Variants in PTPRN2 observed in about 807,000 individuals in gnomAD.
PTPRN2 encodes protein tyrosine phosphatase receptor type N2.
PTPRN2 carries 74 observed loss-of-function variants against 118.8 expected under a neutral mutation model. The observed-to-expected ratio is 0.62, with a 90% CI of 0.52 to 0.76. The LOEUF is 0.76. Among genes scored for constraint, PTPRN2 ranks in the 30% least tolerant of loss-of-function variants. The pLI is 0.00. For synonymous variants in PTPRN2, 641 were observed against 608.0 expected (o/e 1.05, Z -0.80); for missense variants, 1,481 against 1,394.4 (o/e 1.06, Z -0.99).
chr7:158,210,118 T>C (rs981409150), intron 3 of PTPRN2, among the ~76,000 whole-genome samples: 1 of 147,040 alleles, frequency 6.8e-6, no homozygotes, highest in Admixed American at 6.7e-5. Context: ...CCTCAAACAA[T>C]CTAATGATGC....
At chr7:158,142,875 C>T (rs1819519399) in intron 6 of PTPRN2, among the ~76,000 whole-genome samples, 1 of 152,208 alleles carries the variant, frequency 6.6e-6, no homozygotes. Context: ...CGCTGACAGG[C>T]TCACGTTGTT....
chr7:157,682,654 A>G, intron 13 of PTPRN2, 71 bp downstream of exon 13: 1 of 1,450,160 alleles, frequency 6.9e-7, no homozygotes, highest in Non-Finnish European at 9.6e-7. Context: ...GAGGGGCCAG[A>G]GAGGAACGCC....
At chr7:158,324,219 C>T (rs10434944) in intron 2 of PTPRN2, among the ~76,000 whole-genome samples, 85,461 of 152,050 alleles carry the variant, frequency 0.56, 24,153 homozygotes, top group South Asian at 0.58. Context: ...ACCCTCTCCC[C>T]GGTGACACCG....
chr7:158,393,734 T>C lies in PTPRN2; in HGVS notation c.164-76802A>G, dbSNP rs909906785. ...TCATTATAATCTCATCGCCTAACAC[T>C]GGTGAAGAAGGAATCATGACGTGAT... On this transcript the variant is annotated intron_variant, in intron 2 of 22. Coordinates refer to ENST00000389418, the MANE Select transcript of PTPRN2 (RefSeq NM_002847.5). Among the ~76,000 whole-genome samples the C allele has an allele frequency of 5.3e-5, 8 of 152,132 alleles. 1 individual carries two copies. In the South Asian group the frequency reaches 6.2e-4, roughly 12 times the overall value.
intron 2 of PTPRN2, 55 bp downstream of exon 2, chr7:158,489,680 A>G: frequency 3.3e-6 from 5 of 1,518,560 alleles, no homozygotes; most frequent in Non-Finnish European, 3.5e-6. Flanking sequence ...GGCGCTGCGC[A>G]CGGCGGGCAG....
chr7:158,443,918 T>A (rs1054497850), intron 2 of PTPRN2, among the ~76,000 whole-genome samples: 2 of 152,026 alleles, frequency 1.3e-5, no homozygotes, highest in African/African-American at 4.8e-5. Flanking sequence ...CTACCCCGAG[T>A]CCTGGGTGTC....
In PTPRN2 at chr7:158,523,527, CAGAGTCTGCCCTGGAAT is replaced by C. The variant is rs1325899603; in HGVS notation, c.113-33759_113-33743del. On this transcript the variant is annotated intron_variant, in intron 1 of 22. Transcript: ENST00000389418. ...TGGAGTGGAGTCGTCTGCCCTGGAG[CAGAGTCTGCCCTGGAAT>C]GGAGTCCTCTGCCCTGGAGTGGAGT... Among the ~76,000 whole-genome samples, 596 of 80,308 alleles carry C rather than the reference CAGAGTCTGCCCTGGAAT, an allele frequency of 7.4e-3. 3 individuals carry two copies. Among genetic ancestry groups the C allele is most frequent in the East Asian group, 0.016 (36 of 2,222 alleles). The allele number at this position is 80,308 out of a possible 152,430, so 52.7% of individuals were successfully genotyped here.
chr7:157,547,742 G>A (rs545179612), intron 22 of PTPRN2, among the ~76,000 whole-genome samples: 4 of 151,226 alleles, frequency 2.6e-5, no homozygotes, highest in South Asian at 4.2e-4. Flanking sequence ...TAGATGTGCC[G>A]CTCCCTCGTG....
At chr7:158,252,855 T>C (rs1444090293) in intron 3 of PTPRN2, among the ~76,000 whole-genome samples, 1 of 151,616 alleles carries the variant, frequency 6.6e-6, no homozygotes, top group Non-Finnish European at 1.5e-5. Context: ...CCCCGATTGA[T>C]GGGGAGATTA....
chr7:158,032,012 A>G (rs541766748), intron 11 of PTPRN2, among the ~76,000 whole-genome samples: 1 of 152,330 alleles, frequency 6.6e-6, no homozygotes, highest in South Asian at 2.1e-4. Context: ...CTCACTTTCA[A>G]GGGACCTTTG....
chr7:157,886,286 T>C (rs1218054169), intron 12 of PTPRN2, among the ~76,000 whole-genome samples: 3 of 152,100 alleles, frequency 2.0e-5, no homozygotes, highest in Non-Finnish European at 4.4e-5. Context: ...CCTCAGACAA[T>C]AAGCCGTGTC....
At chr7:157,994,592 C>CA in intron 11 of PTPRN2, among the ~76,000 whole-genome samples, 1 of 123,788 alleles carries the variant, frequency 8.1e-6, no homozygotes, top group African/African-American at 3.2e-5. Context: ...GTTCCTAAAT[C>CA]AATGCCGCGT....
At position 158,469,775 on chromosome 7, in the gene PTPRN2, G is replaced by T. The variant is rs369722335; in HGVS notation, c.163+19960C>A. On this transcript the variant is annotated intron_variant, in intron 2 of 22. Transcript: ENST00000389418. The stretch of plus-strand genomic sequence containing the variant: ...AAAAATGCAAAGAATTGGGAGCTGG[G>T]ATTTGTTCTAGTGCCATCATAAAAG... Among the ~76,000 whole-genome samples, 18 of 152,060 alleles carry T rather than the reference G, an allele frequency of 1.2e-4. 1 individual carries two copies. In the South Asian group the frequency reaches 3.7e-3, roughly 32 times the overall value.
chr7:157,578,207 T>G, intron 17 of PTPRN2, 67 bp from the exon 18 acceptor site: 1 of 1,517,092 alleles, frequency 6.6e-7, no homozygotes, highest in Admixed American at 1.8e-5. Flanking sequence ...GTGTAATTAC[T>G]GCACTCGGAA....
chr7:158,029,358 G>A (rs1807522421), intron 11 of PTPRN2: 2 of 152,356 alleles, frequency 1.3e-5, no homozygotes, highest in African/African-American at 4.8e-5. Context: ...CCCTCTAAAA[G>A]CATTCTTCCG....
chr7:158,067,910 G>A (rs1295418152), intron 11 of PTPRN2, among the ~76,000 whole-genome samples: 1 of 152,198 alleles, frequency 6.6e-6, no homozygotes, highest in Admixed American at 6.5e-5. Context: ...GGGTCATGGT[G>A]TGCTTAGAAT....
chr7:158,087,994 A>AC (rs1554534653), intron 10 of PTPRN2, among the ~76,000 whole-genome samples: 1 of 104,818 alleles, frequency 9.5e-6, no homozygotes, highest in African/African-American at 3.4e-5. Flanking sequence ...CTTCACACAA[A>AC]CCTTCTTCCC....
At chr7:157,644,736 A>G (rs1490896206) in intron 14 of PTPRN2, among the ~76,000 whole-genome samples, 1 of 151,478 alleles carries the variant, frequency 6.6e-6, no homozygotes, top group Non-Finnish European at 1.5e-5. Context: ...CAGAGGTTGC[A>G]GTGAGCCGAG....
chr7:158,154,474 T>C (rs543677450), intron 6 of PTPRN2, among the ~76,000 whole-genome samples: 1 of 152,222 alleles, frequency 6.6e-6, no homozygotes, highest in Non-Finnish European at 1.5e-5. Context: ...AAAAACTCTC[T>C]CTTATGGCTG....
Sources: gnomAD v4.1 joint callset for allele counts (sites outside exome capture counted in the v4.1 genomes callset) on GRCh38, gnomAD v4.1.1 for gene constraint, MANE v1.5 for transcripts, NCBI Gene and HGNC (gene_info 2026-07-23, HGNC 2026-07-21) for gene names.